Variants in SH3TC2 observed in about 807,000 individuals in gnomAD.
SH3TC2 encodes the protein SH3 domain and tetratricopeptide repeats 2, also known as SH3 domain and tetratricopeptide repeat-containing protein 2.
SH3TC2 carries 87 observed loss-of-function variants against 124.5 expected under a neutral mutation model. The observed-to-expected ratio is 0.70, with a 90% CI of 0.59 to 0.84. SH3TC2 has a LOEUF of 0.84. Among genes scored for constraint, SH3TC2 ranks in the 40% least tolerant of loss-of-function variants. The pLI is 0.00. For missense variants in SH3TC2, 1,536 were observed against 1,566.4 expected (o/e 0.98, Z 0.33); for synonymous variants, 634 against 628.5 (o/e 1.01, Z -0.13).
intron 12 of SH3TC2, among the ~76,000 whole-genome samples, chr5:149,013,011 G>A (rs1336794061): frequency 6.6e-6 from 1 of 152,168 alleles, no homozygotes; most frequent in Non-Finnish European, 1.5e-5. Context: ...ATACAACTAA[G>A]TGCTTAGAAC....
At chr5:149,024,186 A>G (rs116092247) in intron 12 of SH3TC2, among the ~76,000 whole-genome samples, 2 of 152,240 alleles carry the variant, frequency 1.3e-5, no homozygotes, top group Non-Finnish European at 2.9e-5. Flanking sequence ...ACTCCTCCAC[A>G]CAAAGCTCCA....
intron 1 of SH3TC2, chr5:149,057,713 G>A (rs1242224829): frequency 6.6e-6 from 1 of 152,172 alleles, no homozygotes; most frequent in Non-Finnish European, 1.5e-5. Context: ...TAACACTGAA[G>A]GCAGGTAGAG....
In SH3TC2 at chr5:148,998,504, G is replaced by A. The variant is rs1160348030; in HGVS notation, c.*6207C>T. Reference sequence around the variant, plus strand: ...AGAGCCTCATCCCTCAAGCTAGTGTGATGCCCTGGATAAGGAGTCAAAGGC... The same window carrying A: ...AGAGCCTCATCCCTCAAGCTAGTGTAATGCCCTGGATAAGGAGTCAAAGGC... On this transcript the variant is annotated 3_prime_UTR_variant, in exon 17 of 17. Coordinates refer to ENST00000515425, the MANE Select transcript of SH3TC2 (RefSeq NM_024577.4). Among the ~76,000 whole-genome samples the A allele has an allele frequency of 6.6e-6, 1 of 152,202 alleles. No individual in the cohort carries two copies. The highest frequency in any genetic ancestry group is 2.4e-5 in the African/African-American group (1 of 41,446).
chr5:149,008,535 A>T (rs1753728991), intron 15 of SH3TC2: 1 of 445,366 alleles, frequency 2.2e-6, no homozygotes, highest in African/African-American at 2.0e-5. Context: ...GTAATATAAT[A>T]ATAGTGTGGC....
Position 148,995,009 on chromosome 5 carries a change from A to G in SH3TC2, c.*9702T>C, listed in dbSNP as rs1753486426. On this transcript the variant is annotated 3_prime_UTR_variant, in exon 17 of 17. Transcript: ENST00000515425. ...TCAAAATACCTTAAAGGTACTGCCT[A>G]TCCCCTGGATCTTTATTCCATAGAA... Among the ~76,000 whole-genome samples the G allele has an allele frequency of 6.6e-6, 1 of 152,186 alleles. No individual in the cohort carries two copies. The highest frequency in any genetic ancestry group is 2.4e-5 in the African/African-American group (1 of 41,440).
At chr5:149,010,166 A>G in intron 14 of SH3TC2, 104 bp downstream of exon 14, 3 of 1,516,974 alleles carry the variant, frequency 2.0e-6, no homozygotes, top group Non-Finnish European at 2.7e-6. Flanking sequence ...GAAAAATGAA[A>G]TACAAGCAAG....
At chr5:149,056,951 A>G (rs906964795) in intron 1 of SH3TC2, among the ~76,000 whole-genome samples, 3 of 152,214 alleles carry the variant, frequency 2.0e-5, no homozygotes, top group Non-Finnish European at 2.9e-5. Flanking sequence ...ATAAACCAAA[A>G]GGTCTATGGT....
At chr5:149,023,462 G>A (rs1022785063) in intron 12 of SH3TC2, among the ~76,000 whole-genome samples, 36 of 151,916 alleles carry the variant, frequency 2.4e-4, no homozygotes, top group Middle Eastern at 3.4e-3. Context: ...TAAAATGCAT[G>A]AAATATTCCT....
Position 148,988,262 on chromosome 5 carries a change from T to A in SH3TC2, c.*16449A>T, listed in dbSNP as rs900679490. Among the ~76,000 whole-genome samples, 2 of 152,192 alleles carry A rather than the reference T, an allele frequency of 1.3e-5. No homozygotes were observed. The highest frequency in any genetic ancestry group is 4.8e-5 in the African/African-American group (2 of 41,456). Reference sequence around the variant, plus strand: ...ACATGAAAATCATTATCAAAAATCCTACCCCAGATGGGAATGTTATCTGGT... The same window carrying A: ...ACATGAAAATCATTATCAAAAATCCAACCCCAGATGGGAATGTTATCTGGT... On this transcript the variant is annotated 3_prime_UTR_variant, in exon 17 of 17. Coordinates refer to ENST00000515425, the MANE Select transcript of SH3TC2 (RefSeq NM_024577.4).
intron 7 of SH3TC2, among the ~76,000 whole-genome samples, chr5:149,039,306 T>A (rs933116815): frequency 2.0e-5 from 3 of 152,164 alleles, no homozygotes; most frequent in Non-Finnish European, 4.4e-5. Context: ...AATCCCCTTT[T>A]CCCAGGTTAC....
intron 8 of SH3TC2, among the ~76,000 whole-genome samples, chr5:149,034,041 A>G (rs999140104): frequency 6.6e-6 from 1 of 152,232 alleles, no homozygotes; most frequent in African/African-American, 2.4e-5. Flanking sequence ...TAACACTACA[A>G]AAAACTAGAA....
At position 149,028,043 on chromosome 5, in the gene SH3TC2, C is replaced by G. The variant is rs1754105393; in HGVS notation, c.1689G>C (p.Glu563Asp). 1 of 1,614,006 alleles carries G rather than the reference C, an allele frequency of 6.2e-7. No homozygotes were observed. Reference sequence around the variant, plus strand: ...ACAGAGTGGCCACCAAGGATAGGTCCTCAAATGCTCCATTGAGAATGTGGA... The same window carrying G: ...ACAGAGTGGCCACCAAGGATAGGTCGTCAAATGCTCCATTGAGAATGTGGA... ...EAIHILNGAF[E>D]DLSLVATLYI... The change falls in exon 11 of 17, where the codon GAG (glutamate) becomes GAC (aspartate). Residue 563 changes from glutamate to aspartate, a missense_variant. Glu to Asp is a conservative substitution (Grantham distance 45). Around this residue, in one of 3 missense-constraint regions of SH3TC2, gnomAD observed 1,102 missense variants for 1,098.6 expected, o/e 1.00. Coordinates refer to ENST00000515425, the MANE Select transcript of SH3TC2 (RefSeq NM_024577.4).
At position 149,027,490 on chromosome 5, in the gene SH3TC2, C is replaced by T; in HGVS notation, c.2242G>A (p.Glu748Lys). 1.2e-6 allele frequency: 2 copies of T among 1,614,200 alleles called. No homozygotes were observed. Among genetic ancestry groups the T allele is most frequent in the Non-Finnish European group, 1.7e-6 (2 of 1,180,042 alleles). ...PMLRQALAACEELADRSTQRA... is the reference protein window; with the variant it reads ...PMLRQALAACKELADRSTQRA... ...TGGGTGCTCCGGTCTGCTAGTTCCT[C>T]ACAGGCAGCCAGGGCCTGTCTGAGC... Residue 748 changes from glutamate to lysine, a missense_variant, in exon 11 of 17, where the codon GAG becomes AAG. Around this residue, in one of 3 missense-constraint regions of SH3TC2, gnomAD observed 1,102 missense variants for 1,098.6 expected, o/e 1.00. Transcript: ENST00000515425.
Position 149,027,401 on chromosome 5 carries a change from G to A in SH3TC2, c.2331C>T (p.Ile777=). The change falls in exon 11 of 17, where the codon ATC becomes ATT. Residue 777 remains isoleucine (I), a synonymous_variant. Transcript: ENST00000515425. Reference sequence around the variant, plus strand: ...GCACCAAGGCCTGGCTCAGGTAGTGGATGGCACCGTCAGGAGACCTGTGCT... The same window carrying A: ...GCACCAAGGCCTGGCTCAGGTAGTGAATGGCACCGTCAGGAGACCTGTGCT... ...YLEHRSPDGA[I]HYLSQALVLG... is the part of the protein sequence containing the mutation. 7.4e-6 allele frequency: 12 copies of A among 1,614,146 alleles called. No homozygotes were observed. Among genetic ancestry groups the A allele is most frequent in the Non-Finnish European group, 1.0e-5 (12 of 1,180,040 alleles).
Position 149,028,219 on chromosome 5 carries a change from C to T in SH3TC2, c.1513G>A (p.Asp505Asn), listed in dbSNP as rs534571047. The change falls in exon 11 of 17, where the codon GAT becomes AAT. Residue 505 changes from aspartate (D) to asparagine (N), a missense_variant. By Grantham distance (23) the Asp-to-Asn change is conservative (BLOSUM62 1). This residue lies in a region of SH3TC2 where 1,102 missense variants were observed against 1,098.6 expected (regional missense o/e 1.00). Coordinates refer to ENST00000515425, the MANE Select transcript of SH3TC2 (RefSeq NM_024577.4). ...GCCTCCAGGTAGGCCACAAACTCAT[C>T]CTCCTCAGAGAAGCTATAAAAGGAA... Reference protein sequence around the residue: ...TSSFYSFSEEDEFVAYLEASR... With the variant: ...TSSFYSFSEENEFVAYLEASR... The T allele has an allele frequency of 1.2e-5, 20 of 1,614,028 alleles. No individual in the cohort carries two copies. The South Asian group carries it at 1.6e-4, about 13-fold the overall frequency.
In SH3TC2 at chr5:148,989,410, G is replaced by C. The variant is rs1261715918; in HGVS notation, c.*15301C>G. 6.6e-6 allele frequency among the ~76,000 whole-genome samples: 1 copy of C among 152,174 alleles called. No homozygotes were observed. The highest frequency in any genetic ancestry group is 1.5e-5 in the Non-Finnish European group (1 of 68,040). On this transcript the variant is annotated 3_prime_UTR_variant, in exon 17 of 17. Transcript: ENST00000515425. ...CACTTTGAGACAAGATTTGAACCTA[G>C]GTCTACCTTAACCAGCATAAATATG... is the stretch of plus-strand genomic sequence containing the variant.
intron 1 of SH3TC2, among the ~76,000 whole-genome samples, chr5:149,059,585 A>G (rs147675986): frequency 3.0e-4 from 45 of 151,982 alleles, no homozygotes; most frequent in Middle Eastern, 3.4e-3. Context: ...TGGGACGAAT[A>G]GCATGTTAGA....
Position 149,010,685 on chromosome 5 carries a change from GA to G in SH3TC2, c.3205-294del, listed in dbSNP as rs558621445. Among the ~76,000 whole-genome samples, 217 of 147,428 alleles carry G rather than the reference GA, an allele frequency of 1.5e-3. 1 individual carries two copies. The highest frequency in any genetic ancestry group is 4.8e-3 in the African/African-American group (194 of 40,324). On this transcript the variant is annotated intron_variant, in intron 13 of 16. Transcript: ENST00000515425. ...TAAGTATTTATTTTAATGTGTTTTA[GA>G]AAAAAAAAACTAATAATGCATCCAA...
intron 12 of SH3TC2, among the ~76,000 whole-genome samples, chr5:149,024,859 G>A (rs1379653239): frequency 6.6e-6 from 1 of 152,130 alleles, no homozygotes; most frequent in Non-Finnish European, 1.5e-5. Context: ...CCTTCTCTCT[G>A]GCTTCCCCCT....
Sources: allele counts gnomAD v4.1 joint callset (sites outside exome capture counted in the v4.1 genomes callset), GRCh38; gene constraint gnomAD v4.1.1; regional missense constraint gnomAD v4.1.1; transcripts MANE v1.5; gene names NCBI Gene and HGNC (gene_info 2026-07-23, HGNC 2026-07-21).